The following CDK5RAP2 variants were observed in gnomAD, a reference collection of about 807,000 sequenced individuals.
CDK5RAP2 encodes the protein CDK5 regulatory subunit-associated protein 2.
In CDK5RAP2, 147 loss-of-function variants were observed where a neutral mutation model predicts 232.9. The ratio of observed to expected loss-of-function variants is 0.63; its 90% confidence interval spans 0.55 to 0.72. The LOEUF (loss-of-function observed/expected upper bound fraction) is 0.72. CDK5RAP2 is among the 30% of genes least tolerant of loss of function. The pLI is 0.00. For synonymous variants in CDK5RAP2, 833 were observed against 833.7 expected (o/e 1.00, Z 0.01); for missense variants, 2,195 against 2,231.5 (o/e 0.98, Z 0.33).
intron 1 of CDK5RAP2, among the ~76,000 whole-genome samples, chr9:120,578,569 CTTT>C (rs35890688): frequency 7.0e-6 from 1 of 143,432 alleles, no homozygotes; most frequent in African/African-American, 2.6e-5. Context: ...TTTCACTTTC[CTTT>C]TTTTTTTTTT....
rs112284295 is a variant in CDK5RAP2, at chr9:120,436,332, G to A, written c.3955+963C>T. On this transcript the variant is annotated intron_variant, in intron 25 of 37. Coordinates refer to ENST00000349780, the MANE Select transcript of CDK5RAP2 (RefSeq NM_018249.6). ...AACTATTGAAGTATGTTCACATCAC[G>A]AAAAGAAGAAAGGGTGAGGAACTAC... Among the ~76,000 whole-genome samples the A allele has an allele frequency of 1.5e-3, 231 of 152,228 alleles. 1 individual carries two copies. Among genetic ancestry groups the A allele is most frequent in the African/African-American group, 5.2e-3 (215 of 41,542 alleles).
intron 27 of CDK5RAP2, among the ~76,000 whole-genome samples, chr9:120,416,882 C>G (rs1372983208): frequency 1.3e-5 from 2 of 152,198 alleles, no homozygotes; most frequent in African/African-American, 4.8e-5. Flanking sequence ...CACAGTGTTA[C>G]AGATCTTTTC....
chr9:120,452,842 G>A (rs376504641), intron 21 of CDK5RAP2, among the ~76,000 whole-genome samples: 139 of 152,146 alleles, frequency 9.1e-4, no homozygotes, highest in African/African-American at 3.2e-3. Context: ...CTTAACCACC[G>A]GTTAACAACG....
chr9:120,540,057 C>T (rs1008302270), intron 5 of CDK5RAP2, among the ~76,000 whole-genome samples: 2 of 152,216 alleles, frequency 1.3e-5, no homozygotes, highest in African/African-American at 4.8e-5. Flanking sequence ...GCAGCCCATA[C>T]TCCGTGTTAC....
At chr9:120,484,154 G>A (rs929679825) in intron 14 of CDK5RAP2, among the ~76,000 whole-genome samples, 1 of 152,178 alleles carries the variant, frequency 6.6e-6, no homozygotes, top group Admixed American at 6.5e-5. Context: ...AGAGTCTATG[G>A]AGACATGATC....
intron 18 of CDK5RAP2, 24 bp from the exon 19 acceptor site, chr9:120,460,691 G>A (rs1415570146): frequency 3.1e-6 from 5 of 1,613,134 alleles, no homozygotes; most frequent in Admixed American, 1.7e-5. Context: ...GGAATGGTGT[G>A]AAAATGCAAC....
intron 15 of CDK5RAP2, among the ~76,000 whole-genome samples, chr9:120,472,935 T>A (rs1383365421): frequency 6.6e-6 from 1 of 152,208 alleles, no homozygotes; most frequent in Non-Finnish European, 1.5e-5. Context: ...TTACAGTAAG[T>A]TTAAATGTGA....
chr9:120,568,224 G>T lies in CDK5RAP2; in HGVS notation c.195+97C>A, dbSNP rs570184522. 15 of 958,340 alleles carry T rather than the reference G, an allele frequency of 1.6e-5. No individual in the cohort carries two copies. In the South Asian group the frequency reaches 1.8e-4, roughly 12 times the overall value. The allele number at this position is 958,340 out of a possible 1,614,324, so 59.4% of individuals were successfully genotyped here. ...GCACCCCCCTGCCTCTGGCATCACC[G>T]AACTTAGATCTCAAGAAACACAGCT... On this transcript the variant is annotated intron_variant, in intron 3 of 37. Transcript: ENST00000349780.
intron 32 of CDK5RAP2, 25 bp from the exon 33 acceptor site, chr9:120,404,138 T>G: frequency 1.4e-6 from 2 of 1,462,312 alleles, no homozygotes; most frequent in Non-Finnish European, 1.9e-6. Flanking sequence ...ACACGAGAAC[T>G]GTTAGTTTCA....
At chr9:120,561,024 C>A (rs2042444781) in intron 3 of CDK5RAP2, among the ~76,000 whole-genome samples, 1 of 152,070 alleles carries the variant, frequency 6.6e-6, no homozygotes, top group African/African-American at 2.4e-5. Flanking sequence ...ATAAGCAGAT[C>A]TTTGGGCCAC....
At chr9:120,554,047 G>A (rs1239656577) in intron 3 of CDK5RAP2, among the ~76,000 whole-genome samples, 1 of 152,176 alleles carries the variant, frequency 6.6e-6, no homozygotes, top group African/African-American at 2.4e-5. Context: ...GAATATGATA[G>A]AACCATAAAG....
intron 18 of CDK5RAP2, among the ~76,000 whole-genome samples, chr9:120,461,415 G>A (rs1347591831): frequency 1.3e-5 from 2 of 152,162 alleles, no homozygotes; most frequent in Non-Finnish European, 2.9e-5. Flanking sequence ...TCAGCTCTCC[G>A]CAAAAGCAAA....
intron 17 of CDK5RAP2, among the ~76,000 whole-genome samples, chr9:120,469,853 T>G (rs1279389752): frequency 6.6e-6 from 1 of 152,186 alleles, no homozygotes. Context: ...GAAAAGTGGC[T>G]AACTCTAAAC....
intron 8 of CDK5RAP2, among the ~76,000 whole-genome samples, chr9:120,529,735 C>T (rs1286841992): frequency 1.3e-5 from 2 of 152,144 alleles, no homozygotes; most frequent in African/African-American, 4.8e-5. Flanking sequence ...CATGGTAAAA[C>T]AGAGGTAAGC....
At chr9:120,485,768 G>A (rs1280786049) in intron 14 of CDK5RAP2, among the ~76,000 whole-genome samples, 1 of 152,126 alleles carries the variant, frequency 6.6e-6, no homozygotes, top group African/African-American at 2.4e-5. Flanking sequence ...CTAACTAAAT[G>A]CTAGTTAGAA....
intron 12 of CDK5RAP2, among the ~76,000 whole-genome samples, chr9:120,494,729 G>C (rs1410400723): frequency 6.7e-6 from 1 of 149,052 alleles, no homozygotes; most frequent in African/African-American, 2.4e-5. Context: ...AAACACCACA[G>C]TAATAACTGT....
intron 25 of CDK5RAP2, among the ~76,000 whole-genome samples, chr9:120,424,972 C>A (rs942761832): frequency 1.3e-5 from 2 of 152,176 alleles, no homozygotes; most frequent in Non-Finnish European, 2.9e-5. Context: ...GCTAGGATTA[C>A]AGGCGTGAGC....
intron 3 of CDK5RAP2, among the ~76,000 whole-genome samples, chr9:120,553,602 G>C (rs1353812243): frequency 6.6e-6 from 1 of 152,124 alleles, no homozygotes; most frequent in Admixed American, 6.5e-5. Flanking sequence ...ATAGTGCTTG[G>C]AATGAGCCAC....
intron 12 of CDK5RAP2, among the ~76,000 whole-genome samples, chr9:120,498,571 A>G (rs1018178461): frequency 6.6e-6 from 1 of 152,216 alleles, no homozygotes; most frequent in Non-Finnish European, 1.5e-5. Flanking sequence ...ATTAGTTCAT[A>G]ATGTTGCATC....
Sources: gnomAD v4.1 joint callset for allele counts (sites outside exome capture counted in the v4.1 genomes callset) on GRCh38, gnomAD v4.1.1 for gene constraint, MANE v1.5 for transcripts, NCBI Gene and HGNC (gene_info 2026-07-23, HGNC 2026-07-21) for gene names.